Variants in GRIN2A observed in about 807,000 individuals in gnomAD.
GRIN2A encodes the protein glutamate ionotropic receptor NMDA type subunit 2A, also known as glutamate receptor ionotropic, NMDA 2A.
GRIN2A carries 22 observed loss-of-function variants against 113.4 expected under a neutral mutation model. The observed-to-expected ratio is 0.19, with a 90% CI of 0.14 to 0.28. The LOEUF is 0.28. Ranked by LOEUF, GRIN2A falls within the 10% of genes least tolerant of loss-of-function variation. The pLI, the probability that GRIN2A is intolerant of heterozygous loss-of-function variation, is 1.00. For synonymous variants in GRIN2A, 827 were observed against 738.4 expected (o/e 1.12, Z -1.94); for missense variants, 1,502 against 1,887.0 (o/e 0.80, Z 3.78).
intron 4 of GRIN2A, among the ~76,000 whole-genome samples, chr16:9,886,149 T>C (rs1342926774): frequency 6.6e-6 from 1 of 152,194 alleles, no homozygotes; most frequent in Non-Finnish European, 1.5e-5. Context: ...AGGGAATGAT[T>C]TGGTGGCTCC....
chr16:9,847,400 A>G (rs2042791468), intron 5 of GRIN2A, among the ~76,000 whole-genome samples: 1 of 151,990 alleles, frequency 6.6e-6, no homozygotes. Flanking sequence ...TCTAAAAAAA[A>G]AAATTAATTA....
At chr16:9,856,319 C>A (rs531969263) in intron 4 of GRIN2A, among the ~76,000 whole-genome samples, 1 of 152,246 alleles carries the variant, frequency 6.6e-6, no homozygotes, top group South Asian at 2.1e-4. Context: ...AAGGTTACAA[C>A]AAGGCCACAG....
chr16:9,940,386 G>C (rs981489607), intron 2 of GRIN2A, among the ~76,000 whole-genome samples: 6 of 152,280 alleles, frequency 3.9e-5, no homozygotes, highest in Admixed American at 1.3e-4. Context: ...GTGGGTAATA[G>C]ATTTAAAGAC....
chr16:9,902,785 A>C (rs1225945682), intron 3 of GRIN2A, among the ~76,000 whole-genome samples: 3 of 151,780 alleles, frequency 2.0e-5, no homozygotes, highest in Non-Finnish European at 4.4e-5. Context: ...ATTTGGTCCT[A>C]ACCCCATCTC....
chr16:9,781,347 A>C (rs1157410303), intron 11 of GRIN2A, among the ~76,000 whole-genome samples: 2 of 152,128 alleles, frequency 1.3e-5, no homozygotes, highest in African/African-American at 4.8e-5. Context: ...TATTACTATT[A>C]CTTTAGATGG....
intron 2 of GRIN2A, among the ~76,000 whole-genome samples, chr16:10,177,434 C>A (rs1311514868): frequency 3.9e-5 from 6 of 152,156 alleles, no homozygotes; most frequent in South Asian, 2.1e-4. Flanking sequence ...CAGAGAGTGG[C>A]CAATGTCTCC....
At chr16:10,072,396 T>A (rs553796907) in intron 2 of GRIN2A, among the ~76,000 whole-genome samples, 1 of 152,324 alleles carries the variant, frequency 6.6e-6, no homozygotes, top group African/African-American at 2.4e-5. Flanking sequence ...GTACCTACAA[T>A]TTTATGGCTC....
At chr16:10,170,287 A>C (rs150832013) in intron 2 of GRIN2A, among the ~76,000 whole-genome samples, 6 of 152,346 alleles carry the variant, frequency 3.9e-5, no homozygotes, top group African/African-American at 1.4e-4. Context: ...AGTGAGTTGC[A>C]AAGTCTCACA....
At chr16:10,040,850 A>C (rs558387263) in intron 2 of GRIN2A, among the ~76,000 whole-genome samples, 1 of 152,250 alleles carries the variant, frequency 6.6e-6, no homozygotes, top group Non-Finnish European at 1.5e-5. Flanking sequence ...GGAGGCTGGC[A>C]GGTCAGAGCT....
chr16:10,075,052 G>A (rs562054063), intron 2 of GRIN2A, among the ~76,000 whole-genome samples: 1 of 152,232 alleles, frequency 6.6e-6, no homozygotes, highest in South Asian at 2.1e-4. Flanking sequence ...TGTAGGCATT[G>A]AGAATGTGGT....
chr16:9,888,824 G>A (rs745870569), intron 4 of GRIN2A, among the ~76,000 whole-genome samples: 4 of 151,834 alleles, frequency 2.6e-5, no homozygotes, highest in South Asian at 2.1e-4. Context: ...ACTGGATATT[G>A]AATTTTGTCA....
intron 2 of GRIN2A, among the ~76,000 whole-genome samples, chr16:9,997,957 C>A (rs777574909): frequency 6.6e-6 from 1 of 152,152 alleles, no homozygotes; most frequent in Non-Finnish European, 1.5e-5. Flanking sequence ...TTGTAAATTA[C>A]CCAGTCTTGG....
rs1279345558 is a variant in GRIN2A at position 9,757,853 on chromosome 16, T to A, written c.*5296A>T. On this transcript the variant is annotated 3_prime_UTR_variant, in exon 13 of 13. Transcript: ENST00000330684. ...CCAAATTCAAAGAAGCATGGGTAGG[T>A]CTTTCTGGGGCAAGTGGCAAAAACA... The A allele has an allele frequency of 1.3e-5, 3 of 226,206 alleles. No individual in the cohort carries two copies. The highest frequency in any genetic ancestry group is 6.7e-5 in the African/African-American group (3 of 44,940). 14.0% of individuals were successfully genotyped at this position (226,206 alleles called of 1,614,324 possible). A position where few individuals can be genotyped will look rare whatever the true frequency, so the allele number is the denominator to read the frequency against.
intron 2 of GRIN2A, among the ~76,000 whole-genome samples, chr16:10,068,539 A>T (rs1198937969): frequency 6.6e-6 from 1 of 152,228 alleles, no homozygotes; most frequent in East Asian, 1.9e-4. Context: ...TTCACTCAGT[A>T]CCAAGAGTGT....
At chr16:9,981,560 C>G (rs72772169) in intron 2 of GRIN2A, among the ~76,000 whole-genome samples, 16,369 of 152,168 alleles carry the variant, frequency 0.11, 1,073 homozygotes, top group African/African-American at 0.15. Context: ...CTCCAGATAT[C>G]ATATCATTCA....
intron 9 of GRIN2A, among the ~76,000 whole-genome samples, chr16:9,823,296 C>T (rs367653015): frequency 6.6e-5 from 10 of 152,106 alleles, no homozygotes; most frequent in South Asian, 6.2e-4. Flanking sequence ...AGCAGGAGCT[C>T]GAACTGGCTG....
chr16:10,005,398 A>G (rs896385184), intron 2 of GRIN2A, among the ~76,000 whole-genome samples: 1 of 152,164 alleles, frequency 6.6e-6, no homozygotes, highest in African/African-American at 2.4e-5. Flanking sequence ...AACATTTTTT[A>G]TTACTCACAT....
At chr16:10,086,795 A>T (rs1052598701) in intron 2 of GRIN2A, among the ~76,000 whole-genome samples, 5 of 152,166 alleles carry the variant, frequency 3.3e-5, no homozygotes, top group Non-Finnish European at 7.3e-5. Context: ...TAGGCTGCCA[A>T]GCTCTAAAAA....
At chr16:10,092,187 C>T (rs58281311) in intron 2 of GRIN2A, among the ~76,000 whole-genome samples, 2 of 152,166 alleles carry the variant, frequency 1.3e-5, no homozygotes, top group Non-Finnish European at 2.9e-5. Flanking sequence ...GCCTCATTCT[C>T]TAAATAATTC....
Sources: gnomAD v4.1 joint callset for allele counts (sites outside exome capture counted in the v4.1 genomes callset) on GRCh38, gnomAD v4.1.1 for gene constraint, MANE v1.5 for transcripts, NCBI Gene and HGNC (gene_info 2026-07-23, HGNC 2026-07-21) for gene names.